The following PLEKHA7 variants were observed in gnomAD, a reference collection of about 807,000 sequenced individuals.
The protein encoded by PLEKHA7 is pleckstrin homology domain-containing family A member 7.
Under a neutral mutation model 170.0 loss-of-function variants are expected in PLEKHA7, and 104 were observed. That is an observed-to-expected ratio of 0.61 (90% CI 0.52 to 0.72). The LOEUF is 0.72. PLEKHA7 is among the 30% of genes least tolerant of loss of function. The probability of loss-of-function intolerance (pLI) is 0.00; values close to 1 mark genes in which losing one functional copy is unlikely to be tolerated. For synonymous variants in PLEKHA7, 648 were observed against 660.8 expected, an observed-to-expected ratio of 0.98 and a Z score of 0.30; for missense variants, 1,615 against 1,671.7, an observed-to-expected ratio of 0.97 and a Z score of 0.59.
chr11:16,925,420 C>T (rs1188353684), intron 3 of PLEKHA7, among the ~76,000 whole-genome samples: 1 of 152,206 alleles, frequency 6.6e-6, no homozygotes, highest in Non-Finnish European at 1.5e-5. Flanking sequence ...GCTCCAGTCA[C>T]GCCCGCGCCC....
chr11:16,965,138 G>A (rs547418191), intron 3 of PLEKHA7, among the ~76,000 whole-genome samples: 10 of 150,856 alleles, frequency 6.6e-5, no homozygotes, highest in South Asian at 2.1e-4. Flanking sequence ...GCGAAACCCC[G>A]TCTCTACAAA....
At chr11:17,005,999 T>G (rs1390579024) in intron 3 of PLEKHA7, among the ~76,000 whole-genome samples, 2 of 152,224 alleles carry the variant, frequency 1.3e-5, no homozygotes, top group Non-Finnish European at 2.9e-5. Context: ...TTCCCAGAAA[T>G]TCTTTGTGGG....
At position 16,952,665 on chromosome 11, in the gene PLEKHA7, GT is replaced by G. The variant is rs1296725128; in HGVS notation, c.221+61323del. 7.9e-5 allele frequency among the ~76,000 whole-genome samples: 12 copies of G among 152,238 alleles called. No individual in the cohort carries two copies. The South Asian group carries it at 1.7e-3, about 21-fold the overall frequency. On this transcript the variant is annotated intron_variant, in intron 3 of 26. Transcript: ENST00000531066. ...GAACCAGAAGTGTTTCAGATTTGGG[GT>G]TTTTGCATATTTTAGAATATCTGCA...
At chr11:16,943,712 C>A (rs1590682004) in intron 3 of PLEKHA7, among the ~76,000 whole-genome samples, 2 of 152,104 alleles carry the variant, frequency 1.3e-5, no homozygotes, top group African/African-American at 2.4e-5. Context: ...GATGGGTACT[C>A]GCATTCATCA....
intron 3 of PLEKHA7, among the ~76,000 whole-genome samples, chr11:17,007,576 T>C (rs1445502548): frequency 9.3e-5 from 2 of 21,594 alleles, no homozygotes; most frequent in African/African-American, 2.4e-4. Flanking sequence ...TAAAGATGCT[T>C]TTTTTTTTTT....
rs141466807 is a variant in PLEKHA7 at position 16,835,965 on chromosome 11, C to T, written c.872+5582G>A. Among the ~76,000 whole-genome samples, 491 of 152,294 alleles carry T rather than the reference C, an allele frequency of 3.2e-3. 4 individuals carry two copies. The highest frequency in any genetic ancestry group is 0.01 in the Middle Eastern group (3 of 294). ...TGCACCACCTCACTCTCAGTCCTCG[C>T]GGCCTGGATAGGGCTCCACCCCTGG... On this transcript the variant is annotated intron_variant, in intron 9 of 26. Transcript: ENST00000531066.
intron 3 of PLEKHA7, among the ~76,000 whole-genome samples, chr11:16,890,104 G>A (rs1399067007): frequency 1.3e-5 from 2 of 151,972 alleles, no homozygotes; most frequent in African/African-American, 4.8e-5. Flanking sequence ...GCAAACACTA[G>A]GGGAATTTTT....
chr11:16,953,592 AT>A (rs1009930624), intron 3 of PLEKHA7, among the ~76,000 whole-genome samples: 1 of 152,144 alleles, frequency 6.6e-6, no homozygotes, highest in Non-Finnish European at 1.5e-5. Flanking sequence ...TGCTCTACAT[AT>A]TTTTTTGCAC....
chr11:16,838,817 G>A (rs1251263587), intron 9 of PLEKHA7, among the ~76,000 whole-genome samples: 1 of 150,336 alleles, frequency 6.7e-6, no homozygotes, highest in Non-Finnish European at 1.5e-5. Context: ...CTCCCGAGTA[G>A]CTGGGACTAC....
intron 3 of PLEKHA7, among the ~76,000 whole-genome samples, chr11:16,969,254 T>C (rs2136695428): frequency 6.6e-6 from 1 of 152,172 alleles, no homozygotes; most frequent in African/African-American, 2.4e-5. Context: ...ATGACAGAAT[T>C]AGAGCTAAAA....
chr11:16,865,028 T>C (rs537787916), intron 4 of PLEKHA7, among the ~76,000 whole-genome samples: 114 of 152,248 alleles, frequency 7.5e-4, no homozygotes, highest in Non-Finnish European at 1.2e-3. Flanking sequence ...TTAATCACAA[T>C]AGGTCACAGG....
rs536091495 is a variant in PLEKHA7 at position 16,938,799 on chromosome 11, T to TA, written c.222-67618dup. ...TTAGGAATAAAACATCCATTTCTTG[T>TA]AAAAAACAACAACAACAATGTTCCT... is the stretch of plus-strand genomic sequence containing the variant. On this transcript the variant is annotated intron_variant, in intron 3 of 26. Transcript: ENST00000531066. Among the ~76,000 whole-genome samples the TA allele has an allele frequency of 2.1e-4, 32 of 152,294 alleles. 1 individual carries two copies. In the South Asian group the frequency reaches 6.0e-3, roughly 29 times the overall value.
chr11:16,924,624 C>T (rs1859357085), intron 3 of PLEKHA7, among the ~76,000 whole-genome samples: 1 of 152,020 alleles, frequency 6.6e-6, no homozygotes, highest in Non-Finnish European at 1.5e-5. Context: ...ATGGGGCTGT[C>T]CCACCGACAA....
intron 3 of PLEKHA7, among the ~76,000 whole-genome samples, chr11:16,889,420 A>AAAAATATATATATATAT (rs61086849): frequency 2.7e-5 from 2 of 74,688 alleles, no homozygotes; most frequent in African/African-American, 1.3e-4. Flanking sequence ...AAAAAAAAAA[A>AAAAATATATATATATAT]ATATATATAT....
At chr11:17,002,438 T>C (rs1288672042) in intron 3 of PLEKHA7, among the ~76,000 whole-genome samples, 1 of 149,642 alleles carries the variant, frequency 6.7e-6, no homozygotes, top group Non-Finnish European at 1.5e-5. Flanking sequence ...GAAAGAGTGA[T>C]GATGAGAGCC....
intron 3 of PLEKHA7, among the ~76,000 whole-genome samples, chr11:16,997,501 G>C (rs1451668786): frequency 6.6e-6 from 1 of 152,148 alleles, no homozygotes; most frequent in Non-Finnish European, 1.5e-5. Flanking sequence ...TCCTCTCTCA[G>C]ACCCCAGAAA....
At chr11:16,885,141 G>C (rs1406756635) in intron 3 of PLEKHA7, among the ~76,000 whole-genome samples, 1 of 152,136 alleles carries the variant, frequency 6.6e-6, no homozygotes, top group East Asian at 1.9e-4. Flanking sequence ...AGGAGTTCAA[G>C]ACCAGCCTGG....
chr11:16,813,010 G>C, intron 13 of PLEKHA7, 103 bp downstream of exon 13: 1 of 903,068 alleles, frequency 1.1e-6, no homozygotes, highest in Non-Finnish European at 1.8e-6. Context: ...AATTCAGATT[G>C]GATAAGACCT....
At chr11:16,974,322 A>G (rs984704976) in intron 3 of PLEKHA7, among the ~76,000 whole-genome samples, 92 of 150,314 alleles carry the variant, frequency 6.1e-4, no homozygotes, top group African/African-American at 2.1e-3. Context: ...GGTAATGAAA[A>G]CCACAATTTC....
Sources: gnomAD v4.1 joint callset for allele counts (sites outside exome capture counted in the v4.1 genomes callset) on GRCh38, gnomAD v4.1.1 for gene constraint, MANE v1.5 for transcripts, NCBI Gene and HGNC (gene_info 2026-07-23, HGNC 2026-07-21) for gene names.